CRADD: variants seen among roughly 807,000 people sequenced by gnomAD.
CRADD encodes death domain-containing protein CRADD.
CRADD carries 9 observed loss-of-function variants against 15.5 expected under a neutral mutation model. The observed-to-expected ratio is 0.58, with a 90% CI of 0.35 to 1.01. The LOEUF (loss-of-function observed/expected upper bound fraction) is 1.01. Ranked by LOEUF, CRADD falls within the 50% of genes least tolerant of loss-of-function variation. CRADD has a pLI of 0.02. For missense variants in CRADD, 227 were observed against 250.3 expected (o/e 0.91, Z 0.63); for synonymous variants, 118 against 107.6 (o/e 1.10, Z -0.60).
chr12:93,783,525 T>C (rs956654429), intron 2 of CRADD, among the ~76,000 whole-genome samples: 3 of 152,060 alleles, frequency 2.0e-5, no homozygotes, highest in Non-Finnish European at 2.9e-5. Flanking sequence ...AGATGCAAGG[T>C]ATGGTTGTTA....
rs112083797 is a variant in CRADD, at chr12:93,742,573, T to C, written c.298+63501T>C. 9.7e-3 allele frequency among the ~76,000 whole-genome samples: 1,482 copies of C among 152,210 alleles called. 36 individuals carry two copies. The highest frequency in any genetic ancestry group is 0.034 in the African/African-American group (1,425 of 41,498). ...CAAGTGAAAGGTAAATACGGAGCGA[T>C]CAGCTTGTCCTCACTCCAGCAAAAC... On this transcript the variant is annotated intron_variant, in intron 2 of 2. Coordinates refer to ENST00000332896, the MANE Select transcript of CRADD (RefSeq NM_003805.5).
chr12:93,871,654 A>G (rs562327603), intron 2 of CRADD, among the ~76,000 whole-genome samples: 2 of 152,322 alleles, frequency 1.3e-5, no homozygotes, highest in South Asian at 4.1e-4. Flanking sequence ...CAAATAAGTG[A>G]GAACATGCAA....
intron 2 of CRADD, among the ~76,000 whole-genome samples, chr12:93,720,493 T>C (rs1376779960): frequency 6.6e-6 from 1 of 152,224 alleles, no homozygotes; most frequent in Non-Finnish European, 1.5e-5. Flanking sequence ...CTGCTAGATA[T>C]GCCTATTTCT....
At chr12:93,894,166 C>T (rs1241616370) in exon 3 of CRADD, 3 of 702,154 alleles carry the variant, frequency 4.3e-6, no homozygotes, top group South Asian at 3.0e-5. Flanking sequence ...ACCCTCTTTC[C>T]TCTACACCAG....
chr12:93,884,978 C>T (rs944546397), intron 2 of CRADD, among the ~76,000 whole-genome samples: 4 of 152,106 alleles, frequency 2.6e-5, no homozygotes, highest in African/African-American at 9.7e-5. Context: ...CACACTCTGA[C>T]CAATCAGATT....
rs145917861 is a variant in CRADD at position 93,775,363 on chromosome 12, GAC to G, written c.299-74600_299-74599del. Among the ~76,000 whole-genome samples, 1,431 of 152,146 alleles carry G rather than the reference GAC, an allele frequency of 9.4e-3. 30 individuals carry two copies. The highest frequency in any genetic ancestry group is 0.033 in the African/African-American group (1,367 of 41,510). ...AACTAAGTACCAGTATGAAGAGGAA[GAC>G]ACACACCCGTGTAGAGGATGTGCAA... On this transcript the variant is annotated intron_variant, in intron 2 of 2. Transcript: ENST00000332896.
chr12:93,859,241 G>A, intron 2 of CRADD: 1 of 442,190 alleles, frequency 2.3e-6, no homozygotes, highest in South Asian at 1.6e-5. Context: ...AAATGAAATT[G>A]TTTTAAATTG....
intron 2 of CRADD, among the ~76,000 whole-genome samples, chr12:93,683,601 A>G (rs562884325): frequency 6.6e-6 from 1 of 152,302 alleles, no homozygotes; most frequent in Non-Finnish European, 1.5e-5. Flanking sequence ...AGCAGTGCGC[A>G]GGACTGGCTA....
intron 2 of CRADD, among the ~76,000 whole-genome samples, chr12:93,775,339 A>G (rs1957129763): frequency 6.6e-6 from 1 of 152,156 alleles, no homozygotes; most frequent in African/African-American, 2.4e-5. Context: ...ATAACAGTAA[A>G]CTAAGTACCA....
intron 2 of CRADD, among the ~76,000 whole-genome samples, chr12:93,883,581 G>T (rs141621079): frequency 1.3e-5 from 2 of 152,108 alleles, no homozygotes; most frequent in Non-Finnish European, 2.9e-5. Flanking sequence ...ACTTTAGAAG[G>T]CCAAGGTGGG....
chr12:93,893,140 G>GAGAAATAT (rs1292861471), intron 2 of CRADD, among the ~76,000 whole-genome samples: 1 of 152,158 alleles, frequency 6.6e-6, no homozygotes, highest in Non-Finnish European at 1.5e-5. Context: ...GTGTGAACAG[G>GAGAAATAT]AGAAATATTA....
intron 2 of CRADD, among the ~76,000 whole-genome samples, chr12:93,704,122 A>G (rs1007082479): frequency 6.6e-6 from 1 of 151,218 alleles, no homozygotes; most frequent in Non-Finnish European, 1.5e-5. Context: ...CACCTGGCCT[A>G]TTTGGAGCCT....
chr12:93,730,566 G>T (rs190699763), intron 2 of CRADD, among the ~76,000 whole-genome samples: 1 of 152,118 alleles, frequency 6.6e-6, no homozygotes, highest in African/African-American at 2.4e-5. Flanking sequence ...TTTGATAAGT[G>T]CTTATATGTA....
chr12:93,730,048 A>G (rs1442617604), intron 2 of CRADD, among the ~76,000 whole-genome samples: 2 of 152,176 alleles, frequency 1.3e-5, no homozygotes, highest in Non-Finnish European at 2.9e-5. Context: ...CTACTATATC[A>G]CTATCACTAC....
chr12:93,702,338 G>C (rs1484301292), intron 2 of CRADD, among the ~76,000 whole-genome samples: 1 of 151,642 alleles, frequency 6.6e-6, no homozygotes, highest in African/African-American at 2.4e-5. Flanking sequence ...ATATAAGGGA[G>C]CTGGCCTAGG....
rs557166648 is a variant in CRADD, at chr12:93,843,201, G to A, written c.299-6769G>A. ...GCAAGCCAGGGATGCTGATGACCCC[G>A]TCATGTACTGGAGAAGCTCTGTACA... On this transcript the variant is annotated intron_variant, in intron 2 of 2. Coordinates refer to ENST00000332896, the MANE Select transcript of CRADD (RefSeq NM_003805.5). Among the ~76,000 whole-genome samples the A allele has an allele frequency of 5.9e-5, 9 of 152,186 alleles. No individual in the cohort carries two copies. In the South Asian group the frequency reaches 8.3e-4, roughly 14 times the overall value.
chr12:93,889,541 A>G (rs1958561815), intron 2 of CRADD, among the ~76,000 whole-genome samples: 1 of 152,188 alleles, frequency 6.6e-6, no homozygotes, highest in South Asian at 2.1e-4. Flanking sequence ...CTTGCCCTCC[A>G]CTGCAGCACT....
At chr12:93,739,723 T>C (rs1956640033) in intron 2 of CRADD, among the ~76,000 whole-genome samples, 1 of 152,146 alleles carries the variant, frequency 6.6e-6, no homozygotes, top group Admixed American at 6.5e-5. Flanking sequence ...AAAATAGTCA[T>C]TCTCATTTTA....
intron 2 of CRADD, among the ~76,000 whole-genome samples, chr12:93,844,653 G>A (rs1237550224): frequency 1.3e-5 from 2 of 152,170 alleles, no homozygotes; most frequent in East Asian, 3.9e-4. Flanking sequence ...GGCCAAGAAT[G>A]AGAGAGAAGG....
Sources: allele counts gnomAD v4.1 joint callset (sites outside exome capture counted in the v4.1 genomes callset), GRCh38; gene constraint gnomAD v4.1.1; transcripts MANE v1.5; gene names NCBI Gene and HGNC (gene_info 2026-07-23, HGNC 2026-07-21).